ENPP3: variants seen among roughly 807,000 people sequenced by gnomAD.
The protein encoded by ENPP3 is ectonucleotide pyrophosphatase/phosphodiesterase 3, also known as ectonucleotide pyrophosphatase/phosphodiesterase family member 3.
In ENPP3, 104 loss-of-function variants were observed where a neutral mutation model predicts 117.8. That is an observed-to-expected ratio of 0.88 (90% confidence interval 0.75 to 1.04). ENPP3 has a LOEUF of 1.04. Among genes scored for constraint, ENPP3 ranks in the 50% least tolerant of loss-of-function variants. ENPP3 has a pLI of 0.00. For synonymous variants in ENPP3, 380 were observed against 349.9 expected (o/e 1.09, Z -0.96); for missense variants, 1,026 against 1,051.9 (o/e 0.98, Z 0.34).
intron 2 of ENPP3, among the ~76,000 whole-genome samples, chr6:131,645,379 T>C (rs1376153980): frequency 1.3e-5 from 2 of 152,236 alleles, no homozygotes; most frequent in South Asian, 2.1e-4. Context: ...TTTTTGGCAG[T>C]GTGCAGTTGG....
chr6:131,731,720 G>C (rs1175645270), intron 20 of ENPP3, among the ~76,000 whole-genome samples: 1 of 152,092 alleles, frequency 6.6e-6, no homozygotes, highest in Non-Finnish European at 1.5e-5. Flanking sequence ...GGACTTCCTT[G>C]GTGCTTTTCC....
At chr6:131,642,295 T>A (rs1208422942) in intron 2 of ENPP3, among the ~76,000 whole-genome samples, 1 of 152,110 alleles carries the variant, frequency 6.6e-6, no homozygotes, top group Non-Finnish European at 1.5e-5. Flanking sequence ...ATCTCCTGGT[T>A]CTTGATTGGA....
intron 15 of ENPP3, among the ~76,000 whole-genome samples, chr6:131,697,277 T>A (rs907111612): frequency 6.6e-6 from 1 of 152,176 alleles, no homozygotes; most frequent in East Asian, 1.9e-4. Flanking sequence ...AGGCTGTTGG[T>A]AGATACAGGT....
At chr6:131,641,588 AATTC>A in intron 2 of ENPP3, 58 bp downstream of exon 2, 1 of 1,067,780 alleles carries the variant, frequency 9.4e-7, no homozygotes, top group Non-Finnish European at 1.4e-6. Context: ...TTCTGGCCTT[AATTC>A]ATTAAAATGT....
chr6:131,647,728 T>C (rs1293666640), intron 2 of ENPP3, among the ~76,000 whole-genome samples: 1 of 152,166 alleles, frequency 6.6e-6, no homozygotes, highest in Non-Finnish European at 1.5e-5. Context: ...ATTTTTTTAA[T>C]GTTTCATAAT....
intron 24 of ENPP3, among the ~76,000 whole-genome samples, chr6:131,742,443 C>T (rs977025222): frequency 5.9e-5 from 9 of 152,038 alleles, no homozygotes; most frequent in African/African-American, 2.2e-4. Flanking sequence ...GCCCTTTTGA[C>T]CTTCTATTAG....
intron 7 of ENPP3, among the ~76,000 whole-genome samples, chr6:131,672,953 C>A (rs1209691105): frequency 1.3e-5 from 2 of 152,050 alleles, no homozygotes; most frequent in Non-Finnish European, 2.9e-5. Flanking sequence ...CTTTAAAATG[C>A]TGGTAGCACC....
chr6:131,726,900 T>G (rs1347892432), intron 20 of ENPP3, among the ~76,000 whole-genome samples: 1 of 152,202 alleles, frequency 6.6e-6, no homozygotes, highest in Non-Finnish European at 1.5e-5. Context: ...GGTGGATTTG[T>G]AGACCTAAAT....
chr6:131,710,138 C>G (rs747406204), intron 15 of ENPP3: 1 of 1,613,904 alleles, frequency 6.2e-7, no homozygotes, highest in South Asian at 1.1e-5. Context: ...ACTTTTAATT[C>G]CAGGTTATCA....
At chr6:131,698,311 T>C (rs1182715157) in intron 15 of ENPP3, among the ~76,000 whole-genome samples, 1 of 144,444 alleles carries the variant, frequency 6.9e-6, no homozygotes, top group African/African-American at 2.6e-5. Flanking sequence ...GTTCAGCTCC[T>C]TTCGGGAGGG....
intron 6 of ENPP3, among the ~76,000 whole-genome samples, chr6:131,669,073 A>T (rs1354994411): frequency 6.6e-6 from 1 of 152,188 alleles, no homozygotes; most frequent in Non-Finnish European, 1.5e-5. Context: ...TAAGAATTTG[A>T]GTCTGCCACC....
intron 5 of ENPP3, 88 bp downstream of exon 5, chr6:131,652,979 C>A (rs1778297808): frequency 3.5e-6 from 3 of 861,368 alleles, no homozygotes; most frequent in Non-Finnish European, 5.7e-6. Context: ...AGAGGAATTT[C>A]CCCCAATTCA....
At chr6:131,682,981 T>A (rs1779057987) in intron 11 of ENPP3, 73 bp from the exon 12 acceptor site, 1 of 924,684 alleles carries the variant, frequency 1.1e-6, no homozygotes, top group Non-Finnish European at 1.8e-6. Context: ...GTTTAATTTT[T>A]ACTTCATTAG....
At chr6:131,724,739 G>C (rs1780116199) in intron 19 of ENPP3, among the ~76,000 whole-genome samples, 1 of 152,116 alleles carries the variant, frequency 6.6e-6, no homozygotes, top group African/African-American at 2.4e-5. Context: ...CTTATAATCT[G>C]CCAAGTGTTA....
rs141662829 is a variant in ENPP3 at position 131,675,176 on chromosome 6, A to G, written c.859A>G (p.Met287Val). 3.4e-4 allele frequency: 542 copies of G among 1,592,644 alleles called. 1 individual carries two copies. Among genetic ancestry groups the G allele is most frequent in the Non-Finnish European group, 4.2e-4 (491 of 1,160,554 alleles). The change falls in exon 9 of 25, where the codon ATG (methionine) becomes GTG (valine). Residue 287 changes from methionine to valine, a missense_variant. Coordinates refer to ENST00000357639, the MANE Select transcript of ENPP3 (RefSeq NM_005021.5). ...AINGSFPSIY[M>V]PYNGSVPFEE... Reference sequence around the variant, plus strand: ...AAATGGCTCCTTTCCTTCCATATACATGCCTTACAACGGGTAGTGAAGCAC... The same window carrying G: ...AAATGGCTCCTTTCCTTCCATATACGTGCCTTACAACGGGTAGTGAAGCAC...
chr6:131,649,111 T>A (rs2114307421), intron 2 of ENPP3, among the ~76,000 whole-genome samples: 1 of 152,332 alleles, frequency 6.6e-6, no homozygotes, highest in African/African-American at 2.4e-5. Flanking sequence ...TTCTCTTAGC[T>A]CTATTTACAT....
intron 16 of ENPP3, among the ~76,000 whole-genome samples, chr6:131,719,410 C>CACACAT (rs777153908): frequency 6.7e-6 from 1 of 149,724 alleles, no homozygotes; most frequent in Non-Finnish European, 1.5e-5. Flanking sequence ...CACACACACA[C>CACACAT]ACACACACAC....
At chr6:131,660,212 T>G (rs2114342028) in intron 6 of ENPP3, among the ~76,000 whole-genome samples, 1 of 152,182 alleles carries the variant, frequency 6.6e-6, no homozygotes, top group South Asian at 2.1e-4. Flanking sequence ...TGTGGTTAAA[T>G]AGGATTAGGA....
At chr6:131,692,775 G>GTA (rs1298183041) in intron 14 of ENPP3, among the ~76,000 whole-genome samples, 43 of 142,858 alleles carry the variant, frequency 3.0e-4, no homozygotes, top group African/African-American at 1.1e-3. Context: ...TATGATATAT[G>GTA]GTTATATATG....
Sources: allele counts gnomAD v4.1 joint callset (sites outside exome capture counted in the v4.1 genomes callset), GRCh38; gene constraint gnomAD v4.1.1; transcripts MANE v1.5; gene names NCBI Gene and HGNC (gene_info 2026-07-23, HGNC 2026-07-21).